Variants in SERGEF observed in about 807,000 individuals in gnomAD.
SERGEF encodes the protein secretion regulating guanine nucleotide exchange factor.
Under a neutral mutation model 50.0 loss-of-function variants are expected in SERGEF, and 51 were observed. The ratio of observed to expected loss-of-function variants is 1.02; its 90% CI spans 0.81 to 1.29. The LOEUF (loss-of-function observed/expected upper bound fraction) is 1.29, where lower values mean the gene tolerates loss of function less well. Ranked by LOEUF, SERGEF falls within the 50% of genes most tolerant of loss-of-function variation. The pLI, the probability that SERGEF is intolerant of heterozygous loss-of-function variation, is 0.00. For synonymous variants in SERGEF, 205 were observed against 212.4 expected (o/e 0.97, Z 0.30); for missense variants, 521 against 557.0 (o/e 0.94, Z 0.65).
At chr11:17,845,892 T>G (rs1294842158) in intron 10 of SERGEF, among the ~76,000 whole-genome samples, 1 of 152,206 alleles carries the variant, frequency 6.6e-6, no homozygotes, top group Non-Finnish European at 1.5e-5. Flanking sequence ...GGTGATTAAG[T>G]TCTGGAAGGG....
chr11:17,940,294 C>T (rs1025318201), intron 9 of SERGEF, among the ~76,000 whole-genome samples: 1 of 152,168 alleles, frequency 6.6e-6, no homozygotes, highest in Non-Finnish European at 1.5e-5. Flanking sequence ...ACAAGGCCAT[C>T]TGGGATAGAG....
At chr11:17,953,419 C>G (rs1012543661) in intron 9 of SERGEF, among the ~76,000 whole-genome samples, 19 of 152,206 alleles carry the variant, frequency 1.2e-4, no homozygotes, top group Middle Eastern at 3.2e-3. Flanking sequence ...TGAGACTCAT[C>G]ATCAATAGCC....
intron 8 of SERGEF, among the ~76,000 whole-genome samples, chr11:17,976,766 G>C (rs1047430691): frequency 3.9e-5 from 6 of 152,246 alleles, no homozygotes; most frequent in East Asian, 1.9e-4. Context: ...CATCAGGAAA[G>C]AGGAAGATTC....
chr11:17,897,788 G>A (rs1043970858), intron 9 of SERGEF, among the ~76,000 whole-genome samples: 2 of 152,200 alleles, frequency 1.3e-5, no homozygotes, highest in African/African-American at 4.8e-5. Flanking sequence ...TCCCCTTCCT[G>A]TCTGACTTTT....
chr11:17,911,503 G>GT (rs1328849447), intron 9 of SERGEF, among the ~76,000 whole-genome samples: 1 of 151,100 alleles, frequency 6.6e-6, no homozygotes, highest in Non-Finnish European at 1.5e-5. Flanking sequence ...TGTCACCTAG[G>GT]TTTTTTTGAG....
intron 1 of SERGEF, chr11:18,012,665 G>A: frequency 1.7e-6 from 2 of 1,160,966 alleles, no homozygotes; most frequent in Middle Eastern, 3.2e-4. Flanking sequence ...GGGCTCTCGC[G>A]GAACCAGACG....
At chr11:17,818,084 C>A (rs1850011751) in intron 10 of SERGEF, among the ~76,000 whole-genome samples, 1 of 152,196 alleles carries the variant, frequency 6.6e-6, no homozygotes. Flanking sequence ...CACGTGTACA[C>A]TTCTTTGTTA....
In SERGEF at chr11:17,816,318, A is replaced by G. The variant is rs567879808; in HGVS notation, c.1049-27905T>C. Among the ~76,000 whole-genome samples, 4 of 152,292 alleles carry G rather than the reference A, an allele frequency of 2.6e-5. No homozygotes were observed. In the South Asian group the frequency reaches 6.2e-4, roughly 24 times the overall value. On this transcript the variant is annotated intron_variant, in intron 10 of 10. Coordinates refer to ENST00000265965, the MANE Select transcript of SERGEF (RefSeq NM_012139.4). ...GAGACAGGGCGGTATTTGCAAGAGG[A>G]AGTTTACTAAATGCTAGGGGGAATG...
chr11:17,891,796 A>G (rs1851534942), intron 9 of SERGEF, among the ~76,000 whole-genome samples: 1 of 152,204 alleles, frequency 6.6e-6, no homozygotes, highest in Non-Finnish European at 1.5e-5. Flanking sequence ...ACTACCCACT[A>G]TGGGAAGCAT....
At chr11:17,909,890 G>A (rs1269330971) in intron 9 of SERGEF, among the ~76,000 whole-genome samples, 11 of 152,212 alleles carry the variant, frequency 7.2e-5, no homozygotes. Context: ...CCAGGCTAGA[G>A]TTAGGGGAGT....
chr11:17,970,969 C>T (rs1041397975), intron 8 of SERGEF, among the ~76,000 whole-genome samples: 21 of 152,026 alleles, frequency 1.4e-4, no homozygotes, highest in Admixed American at 6.5e-4. Flanking sequence ...CTGAGGTGGG[C>T]GGATCACGAG....
chr11:17,912,472 G>A lies in SERGEF; in HGVS notation c.1012-34228C>T, dbSNP rs114890553. 2.7e-3 allele frequency among the ~76,000 whole-genome samples: 418 copies of A among 152,284 alleles called. 1 individual carries two copies. The highest frequency in any genetic ancestry group is 9.3e-3 in the African/African-American group (386 of 41,556). On this transcript the variant is annotated intron_variant, in intron 9 of 10. Transcript: ENST00000265965. ...TAAGATTCTATCATTGAGGGAAGCT[G>A]GGTGAAGCGTATATAGGATCATCTG...
intron 9 of SERGEF, among the ~76,000 whole-genome samples, chr11:17,878,771 C>T (rs925982196): frequency 2.6e-5 from 4 of 152,182 alleles, no homozygotes; most frequent in Admixed American, 6.5e-5. Flanking sequence ...TCTTTCAACA[C>T]GTCATGTTCT....
chr11:17,983,147 T>C (rs191226504), intron 8 of SERGEF, among the ~76,000 whole-genome samples: 29 of 152,332 alleles, frequency 1.9e-4, no homozygotes, highest in African/African-American at 6.7e-4. Flanking sequence ...CAAGGCTACT[T>C]TGGGATACTG....
chr11:17,920,184 T>C (rs1400731004), intron 9 of SERGEF, among the ~76,000 whole-genome samples: 1 of 152,014 alleles, frequency 6.6e-6, no homozygotes, highest in East Asian at 1.9e-4. Flanking sequence ...GAAGCAGAGA[T>C]TGCAGTGAAC....
At chr11:17,877,622 G>T (rs868341781) in intron 10 of SERGEF, among the ~76,000 whole-genome samples, 1 of 152,182 alleles carries the variant, frequency 6.6e-6, no homozygotes, top group Non-Finnish European at 1.5e-5. Context: ...GATGGAAACT[G>T]AGTCTACCTG....
At chr11:17,860,345 C>T (rs1188112342) in intron 10 of SERGEF, among the ~76,000 whole-genome samples, 1 of 151,940 alleles carries the variant, frequency 6.6e-6, no homozygotes, top group Non-Finnish European at 1.5e-5. Flanking sequence ...ATTTACACTA[C>T]TCATAATAAT....
At chr11:17,896,493 A>G (rs1851622619) in intron 9 of SERGEF, among the ~76,000 whole-genome samples, 1 of 151,024 alleles carries the variant, frequency 6.6e-6, no homozygotes, top group African/African-American at 2.4e-5. Flanking sequence ...CATAAAAAAT[A>G]AAGGGAAAAA....
chr11:17,864,370 T>C (rs1424620451), intron 10 of SERGEF, among the ~76,000 whole-genome samples: 1 of 152,188 alleles, frequency 6.6e-6, no homozygotes, highest in Non-Finnish European at 1.5e-5. Context: ...TGTGGAGTGA[T>C]ATAAATGTCG....
Sources: allele counts gnomAD v4.1 joint callset (sites outside exome capture counted in the v4.1 genomes callset), GRCh38; gene constraint gnomAD v4.1.1; transcripts MANE v1.5; gene names NCBI Gene and HGNC (gene_info 2026-07-23, HGNC 2026-07-21).